CNTN5: variants seen among roughly 807,000 people sequenced by gnomAD.
CNTN5 encodes contactin-5.
Under a neutral mutation model 129.1 loss-of-function variants are expected in CNTN5, and 77 were observed. The observed-to-expected ratio is 0.60, with a 90% CI of 0.50 to 0.72. CNTN5 has a LOEUF of 0.72. Among genes scored for constraint, CNTN5 ranks in the 30% least tolerant of loss-of-function variants. CNTN5 has a pLI of 0.00. For synonymous variants in CNTN5, 509 were observed against 465.6 expected, an observed-to-expected ratio of 1.09 and a Z score of -1.20; for missense variants, 1,478 against 1,328.8, an observed-to-expected ratio of 1.11 and a Z score of -1.75.
intron 1 of CNTN5, among the ~76,000 whole-genome samples, chr11:99,319,215 G>T (rs1865464167): frequency 6.6e-6 from 1 of 152,182 alleles, no homozygotes; most frequent in African/African-American, 2.4e-5. Flanking sequence ...GGAGTCTACT[G>T]TTATCATTGG....
intron 17 of CNTN5, among the ~76,000 whole-genome samples, chr11:100,268,214 C>G (rs1215883340): frequency 6.6e-6 from 1 of 151,996 alleles, no homozygotes; most frequent in Non-Finnish European, 1.5e-5. Context: ...GTTAGACATC[C>G]AAATGGGATT....
chr11:99,407,031 GGTGTTCTATCCCCCT>G (rs1447424657), intron 2 of CNTN5, among the ~76,000 whole-genome samples: 1 of 151,958 alleles, frequency 6.6e-6, no homozygotes, highest in East Asian at 2.0e-4. Flanking sequence ...GAGCCTGTTT[GGTGTTCTATCCCCCT>G]GTGGCCAAGC....
At chr11:99,665,739 G>A (rs1457270593) in intron 3 of CNTN5, among the ~76,000 whole-genome samples, 3 of 151,686 alleles carry the variant, frequency 2.0e-5, no homozygotes, top group African/African-American at 7.3e-5. Context: ...AGTCTGCCTT[G>A]GTCTCCCAGA....
chr11:100,252,506 C>T (rs950883135), intron 16 of CNTN5, among the ~76,000 whole-genome samples: 1 of 152,046 alleles, frequency 6.6e-6, no homozygotes, highest in Non-Finnish European at 1.5e-5. Context: ...GGTCCTGAAG[C>T]ACTTCCTCTA....
chr11:100,124,253 C>T (rs1426580303), intron 13 of CNTN5, among the ~76,000 whole-genome samples: 1 of 152,016 alleles, frequency 6.6e-6, no homozygotes, highest in Non-Finnish European at 1.5e-5. Flanking sequence ...CTCTACATCC[C>T]ATTCTCTTGA....
intron 4 of CNTN5, among the ~76,000 whole-genome samples, chr11:99,827,163 C>T: frequency 6.6e-6 from 1 of 152,166 alleles, no homozygotes; most frequent in East Asian, 1.9e-4. Flanking sequence ...TCTTGGCTCA[C>T]TGCAATCTCT....
chr11:100,292,001 G>A (rs942782253), intron 18 of CNTN5, among the ~76,000 whole-genome samples: 4 of 151,872 alleles, frequency 2.6e-5, no homozygotes, highest in South Asian at 2.1e-4. Flanking sequence ...ACGTACTAGA[G>A]CAGTCGCATT....
At chr11:99,408,542 T>C (rs906803965) in intron 2 of CNTN5, among the ~76,000 whole-genome samples, 4 of 144,274 alleles carry the variant, frequency 2.8e-5, no homozygotes, top group African/African-American at 1.0e-4. Flanking sequence ...ATATGTTGCC[T>C]GGGCTGACCT....
At chr11:99,435,186 G>A (rs1943551227) in intron 2 of CNTN5, among the ~76,000 whole-genome samples, 1 of 151,982 alleles carries the variant, frequency 6.6e-6, no homozygotes, top group Non-Finnish European at 1.5e-5. Flanking sequence ...ATTATATAAA[G>A]GGCAATTTGA....
At chr11:99,780,614 A>C (rs569903297) in intron 3 of CNTN5, among the ~76,000 whole-genome samples, 19 of 152,182 alleles carry the variant, frequency 1.2e-4, no homozygotes, top group African/African-American at 4.3e-4. Flanking sequence ...ATTAGCTCTA[A>C]AATCTAATGG....
At chr11:99,355,285 G>A (rs1474613893) in intron 2 of CNTN5, among the ~76,000 whole-genome samples, 2 of 152,052 alleles carry the variant, frequency 1.3e-5, no homozygotes, top group African/African-American at 4.8e-5. Flanking sequence ...TGTTTCAATA[G>A]CATATTGTTA....
chr11:99,656,987 C>T (rs1952394553), intron 3 of CNTN5, among the ~76,000 whole-genome samples: 1 of 149,080 alleles, frequency 6.7e-6, no homozygotes, highest in South Asian at 2.1e-4. Context: ...GTTTGTGGAC[C>T]AAAAAGTATG....
chr11:99,710,295 C>T (rs2134946967), intron 3 of CNTN5, among the ~76,000 whole-genome samples: 1 of 151,942 alleles, frequency 6.6e-6, no homozygotes, highest in East Asian at 1.9e-4. Context: ...AACCTTGCCC[C>T]ATTCATTCCT....
intron 7 of CNTN5, among the ~76,000 whole-genome samples, chr11:99,933,910 T>C (rs1950246204): frequency 1.3e-5 from 2 of 152,212 alleles, no homozygotes; most frequent in South Asian, 4.1e-4. Context: ...TGTCTTTGTG[T>C]GATTTTATGT....
chr11:99,952,109 T>C (rs1950690567), intron 7 of CNTN5, among the ~76,000 whole-genome samples: 1 of 152,212 alleles, frequency 6.6e-6, no homozygotes, highest in Non-Finnish European at 1.5e-5. Flanking sequence ...TTGTAAAATA[T>C]ATTTCCCACC....
chr11:99,800,560 T>C (rs1289720017), intron 3 of CNTN5, among the ~76,000 whole-genome samples: 1 of 152,146 alleles, frequency 6.6e-6, no homozygotes, highest in Non-Finnish European at 1.5e-5. Flanking sequence ...TCCACTATTA[T>C]CATGTAGCTG....
At chr11:99,817,807 C>A (rs1444956145) in intron 3 of CNTN5, among the ~76,000 whole-genome samples, 1 of 151,796 alleles carries the variant, frequency 6.6e-6, no homozygotes, top group Non-Finnish European at 1.5e-5. Context: ...TTTATGTCTA[C>A]CCATAATCTG....
intron 21 of CNTN5, among the ~76,000 whole-genome samples, chr11:100,310,478 A>G (rs554834046): frequency 6.6e-6 from 1 of 152,050 alleles, no homozygotes; most frequent in Admixed American, 6.6e-5. Flanking sequence ...CTTTAATTCA[A>G]TAAATATTTA....
intron 1 of CNTN5, among the ~76,000 whole-genome samples, chr11:99,309,842 C>A (rs1364974395): frequency 6.6e-6 from 1 of 151,870 alleles, no homozygotes; most frequent in African/African-American, 2.4e-5. Flanking sequence ...TATTAATATA[C>A]ATTAATCTCA....
Sources: allele counts gnomAD v4.1 joint callset (sites outside exome capture counted in the v4.1 genomes callset), GRCh38; gene constraint gnomAD v4.1.1; transcripts MANE v1.5; gene names NCBI Gene and HGNC (gene_info 2026-07-23, HGNC 2026-07-21).